The following BCL2A1 variants were observed in gnomAD, a reference collection of about 807,000 sequenced individuals.
BCL2A1 encodes BCL2 related protein A1, also known as bcl-2-related protein A1.
BCL2A1 carries 10 observed loss-of-function variants against 14.4 expected under a neutral mutation model. The observed-to-expected ratio is 0.69, with a 90% CI of 0.43 to 1.18. The LOEUF is 1.18. BCL2A1 is among the 50% of genes most tolerant of loss of function. The probability of loss-of-function intolerance (pLI) is 0.00; values close to 1 mark genes in which losing one functional copy is unlikely to be tolerated. For synonymous variants in BCL2A1, 71 were observed against 76.5 expected, an observed-to-expected ratio of 0.93 and a Z score of 0.38; for missense variants, 158 against 205.0, an observed-to-expected ratio of 0.77 and a Z score of 1.40.
rs1356472153 is a variant in BCL2A1, at chr15:79,964,941, C to T, written c.421-3767G>A. 3.9e-5 allele frequency among the ~76,000 whole-genome samples: 6 copies of T among 152,070 alleles called. No homozygotes were observed. In the South Asian group the frequency reaches 1.0e-3, roughly 26 times the overall value. Reference sequence around the variant, plus strand: ...GGCCTTGAGGGTGGAATGTGCTTAGCTTATCCAAGGAGGCTGGAGCTATGA... The same window carrying T: ...GGCCTTGAGGGTGGAATGTGCTTAGTTTATCCAAGGAGGCTGGAGCTATGA... On this transcript the variant is annotated intron_variant, in intron 1 of 1. Coordinates refer to ENST00000267953, the MANE Select transcript of BCL2A1 (RefSeq NM_004049.4).
intron 1 of BCL2A1, among the ~76,000 whole-genome samples, chr15:79,964,788 T>C (rs537397738): frequency 2.6e-5 from 4 of 152,202 alleles, no homozygotes; most frequent in Admixed American, 2.0e-4. Flanking sequence ...ACTTTCTCAG[T>C]TGGGGTGATC....
chr15:79,966,131 T>A (rs1437268979), intron 1 of BCL2A1, among the ~76,000 whole-genome samples: 1 of 152,176 alleles, frequency 6.6e-6, no homozygotes, highest in Non-Finnish European at 1.5e-5. Flanking sequence ...TTGCACAGTA[T>A]TTGACAGCTT....
chr15:79,970,517 C>T (rs1378571194), intron 1 of BCL2A1, among the ~76,000 whole-genome samples, 183 bp downstream of exon 1: 1 of 152,176 alleles, frequency 6.6e-6, no homozygotes, highest in African/African-American at 2.4e-5. Flanking sequence ...CTATAAAGTT[C>T]AAGTTCAAGG....
chr15:79,968,448 G>A (rs1011390333), intron 1 of BCL2A1, among the ~76,000 whole-genome samples: 2 of 152,218 alleles, frequency 1.3e-5, no homozygotes, highest in African/African-American at 4.8e-5. Flanking sequence ...AAAGAACTAA[G>A]TTCCAGGAAG....
chr15:79,962,397 G>T (rs528999745), intron 1 of BCL2A1, among the ~76,000 whole-genome samples: 26 of 152,108 alleles, frequency 1.7e-4, no homozygotes, highest in Middle Eastern at 6.8e-3. Flanking sequence ...ACAGAGGAAG[G>T]AAACTGGCCC....
chr15:79,966,910 GA>G (rs144989592), intron 1 of BCL2A1, among the ~76,000 whole-genome samples: 19,555 of 152,212 alleles, frequency 0.13, 1,681 homozygotes, highest in Admixed American at 0.23. Flanking sequence ...ATTACTGATA[GA>G]CCAGTCTCGT....
chr15:79,968,034 C>G (rs1383669518), intron 1 of BCL2A1, among the ~76,000 whole-genome samples: 1 of 152,226 alleles, frequency 6.6e-6, no homozygotes, highest in East Asian at 1.9e-4. Context: ...TCCGGCCACA[C>G]TCATGTTTAC....
At chr15:79,965,635 C>T (rs2035534444) in intron 1 of BCL2A1, among the ~76,000 whole-genome samples, 1 of 152,058 alleles carries the variant, frequency 6.6e-6, no homozygotes, top group Non-Finnish European at 1.5e-5. Context: ...AGACAGGAGT[C>T]CAGGCTGACT....
At chr15:79,964,478 C>A (rs1450249997) in intron 1 of BCL2A1, among the ~76,000 whole-genome samples, 1 of 152,080 alleles carries the variant, frequency 6.6e-6, no homozygotes, top group South Asian at 2.1e-4. Context: ...AAAAAACAAA[C>A]AAACAAACAA....
Position 79,970,917 on chromosome 15 carries a change from C to T in BCL2A1, c.203G>A (p.Arg68Lys). The T allele has an allele frequency of 2.5e-6, 4 of 1,614,228 alleles. No homozygotes were observed. In the South Asian group the frequency reaches 4.4e-5, roughly 18 times the overall value. ...NVNVVSVDTARTLFNQVMEKE... is the reference protein window; with the variant it reads ...NVNVVSVDTAKTLFNQVMEKE... Reference sequence around the variant, plus strand: ...TTCCATCACTTGGTTGAATAGTGTTCTGGCAGTGTCTACGGACACAACATT... The same window carrying T: ...TTCCATCACTTGGTTGAATAGTGTTTTGGCAGTGTCTACGGACACAACATT... Residue 68 changes from arginine (R) to lysine (K), a missense_variant, in exon 1 of 2, where the codon AGA (arginine) becomes AAA (lysine). By Grantham distance (26) the Arg-to-Lys change is conservative. Transcript: ENST00000267953.
intron 1 of BCL2A1, among the ~76,000 whole-genome samples, chr15:79,962,727 T>G (rs2035502765): frequency 6.6e-6 from 1 of 152,014 alleles, no homozygotes; most frequent in South Asian, 2.1e-4. Flanking sequence ...TTTGTATTTT[T>G]AGTAGAGACG....
intron 1 of BCL2A1, among the ~76,000 whole-genome samples, chr15:79,966,881 G>A (rs555744887): frequency 2.6e-5 from 4 of 152,038 alleles, no homozygotes; most frequent in African/African-American, 4.8e-5. Context: ...AGAGAATAAC[G>A]AAAGAGATTA....
At chr15:79,970,182 AAT>A (rs776220495) in intron 1 of BCL2A1, among the ~76,000 whole-genome samples, 10 of 152,084 alleles carry the variant, frequency 6.6e-5, no homozygotes, top group Non-Finnish European at 1.3e-4. Flanking sequence ...GCTATATATT[AAT>A]ATATGTTACT....
At chr15:79,963,266 G>A (rs1452082625) in intron 1 of BCL2A1, among the ~76,000 whole-genome samples, 2 of 152,106 alleles carry the variant, frequency 1.3e-5, no homozygotes, top group Admixed American at 6.6e-5. Context: ...GGGGTTACAG[G>A]CATGAGCCAC....
intron 1 of BCL2A1, among the ~76,000 whole-genome samples, chr15:79,962,029 A>C (rs1026509203): frequency 6.6e-6 from 1 of 152,152 alleles, no homozygotes; most frequent in African/African-American, 2.4e-5. Flanking sequence ...CACTCCATAC[A>C]TTTCCAAACA....
chr15:79,964,033 G>C (rs2035515154), intron 1 of BCL2A1, among the ~76,000 whole-genome samples: 4 of 151,948 alleles, frequency 2.6e-5, no homozygotes. Flanking sequence ...TAGGGTGATG[G>C]GAGTGACTTT....
chr15:79,965,549 C>A (rs531001641), intron 1 of BCL2A1, among the ~76,000 whole-genome samples: 2 of 152,152 alleles, frequency 1.3e-5, no homozygotes, highest in Admixed American at 6.5e-5. Context: ...GGAAGGCGGC[C>A]TAGATGCACA....
chr15:79,967,621 C>T (rs754568321), intron 1 of BCL2A1: 7 of 1,596,040 alleles, frequency 4.4e-6, no homozygotes, highest in African/African-American at 1.3e-5. Context: ...GCTGTAAGTG[C>T]CTTCTCTACT....
intron 1 of BCL2A1, chr15:79,967,600 A>T (rs775735425): frequency 6.3e-7 from 1 of 1,578,842 alleles, no homozygotes; most frequent in East Asian, 2.3e-5. Context: ...ATGTGCTCAC[A>T]TCTTGATAAA....
Sources: gnomAD v4.1 joint callset for allele counts (sites outside exome capture counted in the v4.1 genomes callset) on GRCh38, gnomAD v4.1.1 for gene constraint, MANE v1.5 for transcripts, NCBI Gene and HGNC (gene_info 2026-07-23, HGNC 2026-07-21) for gene names.